Variants in KLF12 observed in about 807,000 individuals in gnomAD.
KLF12 encodes the protein Krueppel-like factor 12.
KLF12 carries 9 observed loss-of-function variants against 37.8 expected under a neutral mutation model. The observed-to-expected ratio is 0.24, with a 90% CI of 0.14 to 0.42. The LOEUF is 0.42. KLF12 is among the 10% of genes least tolerant of loss of function. The pLI is 1.00. For missense variants in KLF12, 411 were observed against 516.0 expected, an observed-to-expected ratio of 0.80 and a Z score of 1.97; for synonymous variants, 208 against 202.1, an observed-to-expected ratio of 1.03 and a Z score of -0.25.
chr13:73,962,279 G>C (rs1323261406), intron 2 of KLF12, among the ~76,000 whole-genome samples: 1 of 152,114 alleles, frequency 6.6e-6, no homozygotes, highest in African/African-American at 2.4e-5. Context: ...TTTTGGAAAA[G>C]GCAAAACTAC....
chr13:73,906,602 C>T (rs1042879830), intron 3 of KLF12, among the ~76,000 whole-genome samples: 2 of 152,198 alleles, frequency 1.3e-5, no homozygotes, highest in African/African-American at 4.8e-5. Flanking sequence ...TAAGTACATA[C>T]AGCCACTCTA....
intron 2 of KLF12, among the ~76,000 whole-genome samples, chr13:73,990,712 A>G (rs1891945462): frequency 6.6e-6 from 1 of 152,134 alleles, no homozygotes; most frequent in Non-Finnish European, 1.5e-5. Context: ...GTTTTTTTTA[A>G]TTAACTGTTA....
At chr13:74,069,063 A>T (rs1228712266) in intron 1 of KLF12, among the ~76,000 whole-genome samples, 2 of 152,192 alleles carry the variant, frequency 1.3e-5, no homozygotes, top group Admixed American at 1.3e-4. Flanking sequence ...AAGTGGTCAA[A>T]TGTAATGGGA....
chr13:74,131,235 A>G (rs1878246551), intron 1 of KLF12, among the ~76,000 whole-genome samples: 1 of 152,240 alleles, frequency 6.6e-6, no homozygotes, highest in South Asian at 2.1e-4. Flanking sequence ...GTTAAAGTGC[A>G]TACTTTCCCT....
intron 3 of KLF12, among the ~76,000 whole-genome samples, chr13:73,865,454 G>A (rs1205407865): frequency 6.6e-6 from 1 of 152,156 alleles, no homozygotes; most frequent in African/African-American, 2.4e-5. Context: ...TAAGACACTG[G>A]AGAGCAACTA....
chr13:74,149,707 C>T, the KLF12 span, among the ~76,000 whole-genome samples: 1 of 152,100 alleles, frequency 6.6e-6, no homozygotes, highest in Non-Finnish European at 1.5e-5. Context: ...TCACAATGTC[C>T]CCTCTCACTT....
chr13:74,009,186 A>G (rs890733766), intron 1 of KLF12, among the ~76,000 whole-genome samples: 11 of 152,132 alleles, frequency 7.2e-5, no homozygotes, highest in African/African-American at 2.7e-4. Context: ...CTGTTTCCCT[A>G]CTGTTTTATC....
chr13:73,956,321 T>C (rs1196041319), intron 2 of KLF12, among the ~76,000 whole-genome samples: 1 of 152,182 alleles, frequency 6.6e-6, no homozygotes, highest in African/African-American at 2.4e-5. Context: ...ATGTTGCCAA[T>C]AGAGAGAGTA....
chr13:74,285,951 C>G, the KLF12 span, among the ~76,000 whole-genome samples: 1 of 152,188 alleles, frequency 6.6e-6, no homozygotes, highest in Non-Finnish European at 1.5e-5. Flanking sequence ...TCTCTTCCTA[C>G]AGTATTTCAC....
At chr13:73,846,475 T>C in intron 3 of KLF12, 102 bp from the exon 4 acceptor site, 2 of 1,034,516 alleles carry the variant, frequency 1.9e-6, no homozygotes, top group Non-Finnish European at 1.4e-6. Context: ...CTCTTATTGC[T>C]ATGGGACATT....
chr13:74,266,949 C>T, the KLF12 span, among the ~76,000 whole-genome samples: 6 of 152,102 alleles, frequency 3.9e-5, no homozygotes, highest in Admixed American at 2.6e-4. Flanking sequence ...ATATCTTTTT[C>T]CATCTGAATG....
At position 73,690,237 on chromosome 13, in the gene KLF12, G is replaced by A. The variant is rs565295991; in HGVS notation, c.*5253C>T. ...CATTGGTCATAAGGTTTACTGACAG[G>A]CACTTTCAGCATTTAATTTATTTCT... On this transcript the variant is annotated 3_prime_UTR_variant, in exon 8 of 8. Coordinates refer to ENST00000377669, the MANE Select transcript of KLF12 (RefSeq NM_007249.5). 1 of 152,610 alleles carries A rather than the reference G, an allele frequency of 6.6e-6. No individual in the cohort carries two copies. Among genetic ancestry groups the A allele is most frequent in the South Asian group, 2.1e-4 (1 of 4,820 alleles). The allele number at this position is 152,610 out of a possible 1,614,324, so 9.5% of individuals were successfully genotyped here. A position where few individuals can be genotyped will look rare whatever the true frequency, so the allele number is the denominator to read the frequency against.
At chr13:73,876,578 G>A (rs1267217639) in intron 3 of KLF12, among the ~76,000 whole-genome samples, 1 of 152,146 alleles carries the variant, frequency 6.6e-6, no homozygotes, top group African/African-American at 2.4e-5. Context: ...AGCCAGAATT[G>A]TGCATTCCAC....
intron 1 of KLF12, among the ~76,000 whole-genome samples, chr13:74,070,391 C>A (rs1017755941): frequency 2.0e-5 from 3 of 152,306 alleles, no homozygotes; most frequent in African/African-American, 7.2e-5. Context: ...ATAGAATGGA[C>A]TATGAAGTGG....
intron 1 of KLF12, among the ~76,000 whole-genome samples, chr13:74,010,910 A>T (rs542009173): frequency 1.1e-4 from 16 of 152,370 alleles, no homozygotes; most frequent in African/African-American, 3.8e-4. Context: ...AAACTAAAAC[A>T]TACAAAGGAA....
chr13:74,256,154 C>CAAAAAAA, the KLF12 span, among the ~76,000 whole-genome samples: 1 of 75,618 alleles, frequency 1.3e-5, no homozygotes, highest in African/African-American at 4.5e-5. Flanking sequence ...GACTCTGTCT[C>CAAAAAAA]AAAAAAAAAA....
At chr13:74,200,567 A>C in the KLF12 span, among the ~76,000 whole-genome samples, 23 of 152,190 alleles carry the variant, frequency 1.5e-4, no homozygotes, top group African/African-American at 5.5e-4. Flanking sequence ...ACCAGCTTGC[A>C]AAAGCCCTGG....
intron 1 of KLF12, among the ~76,000 whole-genome samples, chr13:74,017,767 C>CT (rs1892736038): frequency 6.6e-6 from 1 of 151,792 alleles, no homozygotes; most frequent in African/African-American, 2.4e-5. Flanking sequence ...AGCAAACAGT[C>CT]TGAGTTGAAA....
chr13:74,034,548 T>C (rs188544624), intron 1 of KLF12, among the ~76,000 whole-genome samples: 1 of 152,246 alleles, frequency 6.6e-6, no homozygotes, highest in Non-Finnish European at 1.5e-5. Flanking sequence ...ACTTTTATTA[T>C]AAAAGTGTTT....
Sources: allele counts gnomAD v4.1 joint callset (sites outside exome capture counted in the v4.1 genomes callset), GRCh38; gene constraint gnomAD v4.1.1; transcripts MANE v1.5; gene names NCBI Gene and HGNC (gene_info 2026-07-23, HGNC 2026-07-21).